The following CCDC172 variants were observed in gnomAD, a reference collection of about 807,000 sequenced individuals.
CCDC172 encodes the protein coiled-coil domain-containing protein 172.
CCDC172 carries 30 observed loss-of-function variants against 38.0 expected under a neutral mutation model. The ratio of observed to expected loss-of-function variants is 0.79; its 90% CI spans 0.59 to 1.07. CCDC172 has a LOEUF of 1.07. Among genes scored for constraint, CCDC172 ranks in the 50% least tolerant of loss-of-function variants. CCDC172 has a pLI of 0.00. For missense variants in CCDC172, 297 were observed against 290.1 expected (o/e 1.02, Z -0.17); for synonymous variants, 78 against 88.3 (o/e 0.88, Z 0.66).
At chr10:116,336,222 TG>T (rs1311119918) in intron 3 of CCDC172, among the ~76,000 whole-genome samples, 1 of 148,436 alleles carries the variant, frequency 6.7e-6, no homozygotes, top group Non-Finnish European at 1.5e-5. Flanking sequence ...ATATTATACA[TG>T]TATTATATTT....
chr10:116,335,485 TAGA>T (rs1844718960), intron 3 of CCDC172, among the ~76,000 whole-genome samples: 1 of 151,800 alleles, frequency 6.6e-6, no homozygotes, highest in African/African-American at 2.4e-5. Context: ...TTTATATTTC[TAGA>T]TAAATTTGAA....
At chr10:116,325,788 C>T (rs181432361) in intron 3 of CCDC172, among the ~76,000 whole-genome samples, 1 of 152,262 alleles carries the variant, frequency 6.6e-6, no homozygotes, top group Admixed American at 6.5e-5. Flanking sequence ...CAAGCCCCTG[C>T]CTTTAGTTTT....
Position 116,378,512 on chromosome 10 carries a change from T to G in CCDC172, c.741+2T>G, listed in dbSNP as rs757174130. 7.5e-6 allele frequency: 12 copies of G among 1,597,162 alleles called. No homozygotes were observed. In the East Asian group the frequency reaches 2.5e-4, roughly 33 times the overall value. ...ACAGAAATAGAATTTTTGGAGTTGGTAAGTTATCATTGATTGTTTAACTTT... is the reference window on the plus strand; with the variant it reads ...ACAGAAATAGAATTTTTGGAGTTGGGAAGTTATCATTGATTGTTTAACTTT... On this transcript the variant is annotated splice_donor_variant, in intron 8 of 8. Transcript: ENST00000333254. LOFTEE classifies it high-confidence loss of function.
chr10:116,379,182 C>G (rs1398149298), intron 8 of CCDC172, 141 bp from the exon 9 acceptor site: 7 of 485,440 alleles, frequency 1.4e-5, no homozygotes, highest in African/African-American at 2.1e-5. Flanking sequence ...AATAAGTTAC[C>G]TTTGAATTTA....
rs1157437247 is a variant in CCDC172 at position 116,379,370 on chromosome 10, T to C, written c.*12T>C. The C allele has an allele frequency of 1.3e-6, 2 of 1,567,744 alleles. No individual in the cohort carries two copies. Among genetic ancestry groups the C allele is most frequent in the African/African-American group, 1.4e-5 (1 of 73,394 alleles). On this transcript the variant is annotated 3_prime_UTR_variant, in exon 9 of 9. Transcript: ENST00000333254. ...AGGAAAGCAAATAACTTACAGAGAA[T>C]TGATCAGCCATCTGAGATTTGATCA... is the stretch of plus-strand genomic sequence containing the variant.
chr10:116,335,338 G>C (rs1393171636), intron 3 of CCDC172, among the ~76,000 whole-genome samples: 1 of 151,490 alleles, frequency 6.6e-6, no homozygotes, highest in East Asian at 1.9e-4. Context: ...ACTTGTATCT[G>C]TTTTATATAT....
At chr10:116,367,174 C>CA (rs1353606719) in intron 7 of CCDC172, among the ~76,000 whole-genome samples, 2 of 151,868 alleles carry the variant, frequency 1.3e-5, no homozygotes, top group Non-Finnish European at 1.5e-5. Context: ...AATTTTTAAT[C>CA]ATTTTTTATA....
At position 116,359,462 on chromosome 10, in the gene CCDC172, T is replaced by G. The variant is rs527449815; in HGVS notation, c.653+1524T>G. ...TTTTTATAGCAGGATTTCTCAAACT[T>G]GGCCTTGTTGACATTTTAGACCAGA... is the stretch of plus-strand genomic sequence containing the variant. On this transcript the variant is annotated intron_variant, in intron 7 of 8. Coordinates refer to ENST00000333254, the MANE Select transcript of CCDC172 (RefSeq NM_198515.3). Among the ~76,000 whole-genome samples, 34 of 152,320 alleles carry G rather than the reference T, an allele frequency of 2.2e-4. No individual in the cohort carries two copies. In the Middle Eastern group the frequency reaches 0.017, roughly 76 times the overall value.
chr10:116,379,566 G>C lies in CCDC172; in HGVS notation c.*208G>C. 2.5e-6 allele frequency: 1 copy of C among 393,376 alleles called. No individual in the cohort carries two copies. The highest frequency in any genetic ancestry group is 4.6e-6 in the Non-Finnish European group (1 of 218,380). The allele number at this position is 393,376 out of a possible 1,614,324, so 24.4% of individuals were successfully genotyped here. A position where few individuals can be genotyped will look rare whatever the true frequency, so the allele number is the denominator to read the frequency against. On this transcript the variant is annotated 3_prime_UTR_variant, in exon 9 of 9. Coordinates refer to ENST00000333254, the MANE Select transcript of CCDC172 (RefSeq NM_198515.3). ...TTACTCAAACTTTAAGAGTTCTTCTGTGGTTTGATTTTGTTTCTAAAAGAA... is the reference window on the plus strand; with the variant it reads ...TTACTCAAACTTTAAGAGTTCTTCTCTGGTTTGATTTTGTTTCTAAAAGAA...
intron 5 of CCDC172, among the ~76,000 whole-genome samples, chr10:116,346,656 G>GAAA (rs71010078): frequency 1.0e-3 from 151 of 148,290 alleles, no homozygotes; most frequent in Non-Finnish European, 1.7e-3. Flanking sequence ...TTAAAATTAA[G>GAAA]AAAAAAAAAA....
rs200011222 is a variant in CCDC172 at position 116,325,290 on chromosome 10, A to T, written c.80-13A>T. The T allele has an allele frequency of 1.5e-4, 245 of 1,608,064 alleles. 1 individual carries two copies. The East Asian group carries it at 3.8e-3, about 25-fold the overall frequency. On this transcript the variant is annotated splice_polypyrimidine_tract_variant and intron_variant, in intron 2 of 8. Coordinates refer to ENST00000333254, the MANE Select transcript of CCDC172 (RefSeq NM_198515.3). ...AAAGATTGATGTGTTTAAAGATTTA[A>T]TTTTTATTACAGTAAGGTCGGAAAT...
At chr10:116,358,726 T>C (rs540283177) in intron 7 of CCDC172, among the ~76,000 whole-genome samples, 1 of 152,316 alleles carries the variant, frequency 6.6e-6, no homozygotes, top group East Asian at 1.9e-4. Context: ...GCAATTTAAT[T>C]TTATGTTAAG....
At chr10:116,351,357 G>T (rs1470855899) in intron 5 of CCDC172, among the ~76,000 whole-genome samples, 3 of 152,084 alleles carry the variant, frequency 2.0e-5, no homozygotes, top group Non-Finnish European at 4.4e-5. Flanking sequence ...TCATTGAATT[G>T]TCCACTTTCA....
intron 3 of CCDC172, among the ~76,000 whole-genome samples, chr10:116,336,683 T>G (rs1194228300): frequency 6.7e-6 from 1 of 149,764 alleles, no homozygotes; most frequent in Non-Finnish European, 1.5e-5. Context: ...TAACTCTTAG[T>G]TTTTTTTTTA....
intron 7 of CCDC172, among the ~76,000 whole-genome samples, chr10:116,370,547 T>C (rs12246684): frequency 0.12 from 17,640 of 151,926 alleles, 1,591 homozygotes; most frequent in African/African-American, 0.25. Flanking sequence ...TCTGTCTGTC[T>C]TCTACTGTAT....
intron 7 of CCDC172, among the ~76,000 whole-genome samples, chr10:116,377,286 G>T (rs1426256249): frequency 6.6e-6 from 1 of 151,948 alleles, no homozygotes. Flanking sequence ...TTGGTTCAAG[G>T]CCCCTTTGAT....
chr10:116,375,278 C>T (rs1356778339), intron 7 of CCDC172, among the ~76,000 whole-genome samples: 1 of 151,838 alleles, frequency 6.6e-6, no homozygotes, highest in East Asian at 1.9e-4. Flanking sequence ...TTCAGGTTTC[C>T]TTTAGAGAAT....
At chr10:116,329,504 A>G (rs372190371) in intron 3 of CCDC172, among the ~76,000 whole-genome samples, 6 of 152,130 alleles carry the variant, frequency 3.9e-5, no homozygotes, top group Admixed American at 6.6e-5. Context: ...TGCTAACACT[A>G]GGACAGCCCC....
intron 5 of CCDC172, among the ~76,000 whole-genome samples, chr10:116,350,883 C>T (rs968389401): frequency 6.6e-6 from 1 of 151,956 alleles, no homozygotes; most frequent in African/African-American, 2.4e-5. Flanking sequence ...ATCAATTATA[C>T]CTAAATAAAG....
Sources: gnomAD v4.1 joint callset for allele counts (sites outside exome capture counted in the v4.1 genomes callset) on GRCh38, gnomAD v4.1.1 for gene constraint, MANE v1.5 for transcripts, NCBI Gene and HGNC (gene_info 2026-07-23, HGNC 2026-07-21) for gene names.